The following C4orf17 variants were observed in gnomAD, a reference collection of about 807,000 sequenced individuals.
C4orf17 encodes the protein uncharacterized protein C4orf17.
Under a neutral mutation model 32.0 loss-of-function variants are expected in C4orf17, and 25 were observed. That is an observed-to-expected ratio of 0.78 (90% CI 0.57 to 1.09). The LOEUF (loss-of-function observed/expected upper bound fraction) is 1.09. C4orf17 is among the 50% of genes least tolerant of loss of function. The pLI is 0.00. For missense variants in C4orf17, 420 were observed against 420.0 expected, an observed-to-expected ratio of 1.00 and a Z score of 0.00; for synonymous variants, 149 against 145.8, an observed-to-expected ratio of 1.02 and a Z score of -0.16.
At chr4:99,536,372 C>T (rs561882520) in intron 5 of C4orf17, among the ~76,000 whole-genome samples, 37 of 152,348 alleles carry the variant, frequency 2.4e-4, no homozygotes, top group African/African-American at 8.9e-4. Flanking sequence ...CCCCAAGGGG[C>T]TCTGTCCCAG....
At position 99,529,894 on chromosome 4, in the gene C4orf17, G is replaced by C. The variant is rs148607252; in HGVS notation, c.482G>C (p.Ser161Thr). ...GGCTCCTGTTCTTCAGGGATGACAA[G>C]TACCAAGAATGATGTGAAAGCAAAC... ...TPGSCSSGMT[S>T]TKNDVKANTI... Residue 161 changes from serine (S) to threonine (T), a missense_variant, in exon 5 of 9, where the codon AGT (serine) becomes ACT (threonine). Coordinates refer to ENST00000326581, the MANE Select transcript of C4orf17 (RefSeq NM_032149.3). 2 of 1,597,842 alleles carry C rather than the reference G, an allele frequency of 1.3e-6. No individual in the cohort carries two copies. Among genetic ancestry groups the C allele is most frequent in the South Asian group, 2.2e-5 (2 of 90,974 alleles).
In C4orf17 at chr4:99,515,220, C is replaced by A. The variant is rs186982457; in HGVS notation, c.127+2012C>A. Among the ~76,000 whole-genome samples the A allele has an allele frequency of 2.4e-3, 372 of 152,218 alleles. 3 individuals carry two copies. Among genetic ancestry groups the A allele is most frequent in the African/African-American group, 8.7e-3 (360 of 41,520 alleles). On this transcript the variant is annotated intron_variant, in intron 2 of 8. Transcript: ENST00000326581. ...CTAAAGAACTTATCCAGTAATAAAT[C>A]ATTCTGTTATAAAGACACCTGCACC...
chr4:99,516,196 A>G (rs796123588), intron 2 of C4orf17, among the ~76,000 whole-genome samples: 3 of 152,190 alleles, frequency 2.0e-5, no homozygotes, highest in South Asian at 2.1e-4. Context: ...TGGGAGATAG[A>G]CCAAAGTTTC....
chr4:99,519,030 T>C (rs540153825), intron 2 of C4orf17, among the ~76,000 whole-genome samples: 2 of 152,236 alleles, frequency 1.3e-5, no homozygotes, highest in East Asian at 3.9e-4. Flanking sequence ...TATTAGGAAG[T>C]GCTTTTGGGA....
chr4:99,511,383 CTGTTT>C (rs1457461092), intron 1 of C4orf17, 111 bp downstream of exon 1: 12 of 150,224 alleles, frequency 8.0e-5, no homozygotes, highest in Non-Finnish European at 1.6e-4. Flanking sequence ...CCAAATAAGT[CTGTTT>C]TAAGAAAATG....
Position 99,539,254 on chromosome 4 carries a change from A to G in C4orf17, c.720A>G (p.Ala240=). 6.2e-7 allele frequency: 1 copy of G among 1,614,158 alleles called. No homozygotes were observed. Among genetic ancestry groups the G allele is most frequent in the Non-Finnish European group, 8.5e-7 (1 of 1,179,988 alleles). Reference sequence around the variant, plus strand: ...GAAGAAACACCTCAATGGAACCAGCAGCAGAGACTGGGAAGCCACCCACAG... The same window carrying G: ...GAAGAAACACCTCAATGGAACCAGCGGCAGAGACTGGGAAGCCACCCACAG... ...HHRRNTSMEP[A]AETGKPPTVK... is the part of the protein sequence containing the mutation. The change falls in exon 7 of 9, where the codon GCA becomes GCG. Residue 240 remains alanine, a synonymous_variant. Coordinates refer to ENST00000326581, the MANE Select transcript of C4orf17 (RefSeq NM_032149.3).
intron 2 of C4orf17, among the ~76,000 whole-genome samples, chr4:99,518,501 AAAAAAAAAAAAAAAAAAATAT>A (rs1723224299): frequency 1.6e-5 from 1 of 61,900 alleles, no homozygotes; most frequent in African/African-American, 9.4e-5. Flanking sequence ...AAAAAAAAAA[AAAAAAAAAAAAAAAAAAATAT>A]ATATATATAT....
chr4:99,541,154 A>C (rs1723646010), intron 8 of C4orf17: 1 of 152,290 alleles, frequency 6.6e-6, no homozygotes, highest in Non-Finnish European at 1.5e-5. Context: ...ACCAGGAATG[A>C]TATATAATCA....
At chr4:99,521,658 GAAA>G (rs1240802964) in intron 2 of C4orf17, among the ~76,000 whole-genome samples, 1 of 152,124 alleles carries the variant, frequency 6.6e-6, no homozygotes, top group Non-Finnish European at 1.5e-5. Flanking sequence ...GAGAGATTTG[GAAA>G]AATGAGCAAG....
intron 2 of C4orf17, among the ~76,000 whole-genome samples, chr4:99,518,225 A>G (rs1723219597): frequency 6.6e-6 from 1 of 151,922 alleles, no homozygotes; most frequent in Non-Finnish European, 1.5e-5. Flanking sequence ...TCTATCCTCC[A>G]TAGAACAACC....
chr4:99,537,615 G>T, intron 5 of C4orf17, 54 bp from the exon 6 acceptor site: 2 of 1,270,304 alleles, frequency 1.6e-6, no homozygotes, highest in South Asian at 2.4e-5. Flanking sequence ...AAGGAAAACT[G>T]ATAAGCCTTG....
At chr4:99,526,611 A>G (rs1723390591) in intron 4 of C4orf17, among the ~76,000 whole-genome samples, 1 of 150,290 alleles carries the variant, frequency 6.7e-6, no homozygotes, top group South Asian at 2.1e-4. Flanking sequence ...ATTTCCTTTG[A>G]GTCAAGGTTT....
At chr4:99,521,034 T>A (rs1186038008) in intron 2 of C4orf17, among the ~76,000 whole-genome samples, 1 of 152,210 alleles carries the variant, frequency 6.6e-6, no homozygotes, top group African/African-American at 2.4e-5. Flanking sequence ...TTAGATATTC[T>A]AATATTCCAA....
At chr4:99,524,197 G>A (rs1039861730) in intron 3 of C4orf17, among the ~76,000 whole-genome samples, 1 of 151,792 alleles carries the variant, frequency 6.6e-6, no homozygotes, top group Admixed American at 6.6e-5. Flanking sequence ...TAGCCAGGAT[G>A]GTCTCGATCT....
In C4orf17 at chr4:99,530,385, T is replaced by C. The variant is rs983324501; in HGVS notation, c.546+427T>C. On this transcript the variant is annotated intron_variant, in intron 5 of 8. Coordinates refer to ENST00000326581, the MANE Select transcript of C4orf17 (RefSeq NM_032149.3). ...CTTGCAAAACTATGTCTTCAAACTT[T>C]CTCTGTCTGGGGTTATAAACTTAGT... is the stretch of plus-strand genomic sequence containing the variant. Among the ~76,000 whole-genome samples, 5 of 151,376 alleles carry C rather than the reference T, an allele frequency of 3.3e-5. No individual in the cohort carries two copies. In the South Asian group the frequency reaches 1.0e-3, roughly 31 times the overall value.
intron 5 of C4orf17, among the ~76,000 whole-genome samples, chr4:99,534,777 C>G (rs1560590590): frequency 1.3e-5 from 2 of 152,178 alleles, no homozygotes; most frequent in Admixed American, 6.5e-5. Flanking sequence ...TGAATTTGAT[C>G]CTGTCACCAT....
chr4:99,518,577 AGAGAG>A lies in C4orf17; in HGVS notation c.128-3922_128-3918del, dbSNP rs1560585641. ...GAGAGAGAGAGAGAGAGAGAGAGAG[AGAGAG>A]AGGGAGGGAGACAGAGAGAGAGAGA... On this transcript the variant is annotated intron_variant, in intron 2 of 8. Coordinates refer to ENST00000326581, the MANE Select transcript of C4orf17 (RefSeq NM_032149.3). Among the ~76,000 whole-genome samples the A allele has an allele frequency of 5.1e-4, 63 of 123,326 alleles. 1 individual carries two copies. The highest frequency in any genetic ancestry group is 2.1e-3 in the African/African-American group (57 of 27,000). 80.9% of individuals were successfully genotyped at this position (123,326 alleles called of 152,430 possible).
intron 7 of C4orf17, among the ~76,000 whole-genome samples, chr4:99,539,704 G>C (rs1723626128): frequency 6.6e-6 from 1 of 152,040 alleles, no homozygotes; most frequent in South Asian, 2.1e-4. Flanking sequence ...ACTAAAAATA[G>C]ATGCAATTAA....
chr4:99,527,435 G>A (rs1366766833), intron 4 of C4orf17, among the ~76,000 whole-genome samples: 1 of 152,164 alleles, frequency 6.6e-6, no homozygotes, highest in African/African-American at 2.4e-5. Context: ...TGTTGTTCAA[G>A]TCTTCTACAG....
Sources: allele counts gnomAD v4.1 joint callset (sites outside exome capture counted in the v4.1 genomes callset), GRCh38; gene constraint gnomAD v4.1.1; transcripts MANE v1.5; gene names NCBI Gene and HGNC (gene_info 2026-07-23, HGNC 2026-07-21).